Variants in TMCC3 observed in about 807,000 individuals in gnomAD.
TMCC3 encodes transmembrane and coiled-coil domain protein 3.
A neutral mutation model predicts 40.2 loss-of-function variants in TMCC3; 28 were observed. The ratio of observed to expected loss-of-function variants is 0.70; its 90% CI spans 0.52 to 0.95. TMCC3 has a LOEUF of 0.95. Ranked by LOEUF, TMCC3 falls within the 40% of genes least tolerant of loss-of-function variation. TMCC3 has a pLI of 0.00. For synonymous variants in TMCC3, 255 were observed against 248.5 expected (o/e 1.03, Z -0.25); for missense variants, 554 against 615.2 (o/e 0.90, Z 1.05).
intron 1 of TMCC3, among the ~76,000 whole-genome samples, chr12:94,635,744 A>G (rs1193550099): frequency 7.2e-6 from 1 of 138,208 alleles, no homozygotes; most frequent in African/African-American, 2.7e-5. Flanking sequence ...ATCTTGGCTC[A>G]CTGCAACCTC....
intron 1 of TMCC3, among the ~76,000 whole-genome samples, chr12:94,647,919 T>G (rs1456768092): frequency 6.6e-6 from 1 of 152,222 alleles, no homozygotes; most frequent in Admixed American, 6.5e-5. Flanking sequence ...TTTCACTAGT[T>G]CTACCTATTC....
At chr12:94,638,710 A>C (rs997899864) in intron 1 of TMCC3, among the ~76,000 whole-genome samples, 1 of 152,238 alleles carries the variant, frequency 6.6e-6, no homozygotes, top group Non-Finnish European at 1.5e-5. Context: ...AATTAGTGAG[A>C]TTAAAATAGT....
intron 1 of TMCC3, among the ~76,000 whole-genome samples, chr12:94,609,570 T>A (rs1047565051): frequency 6.6e-6 from 1 of 152,228 alleles, no homozygotes; most frequent in African/African-American, 2.4e-5. Context: ...CAGCAGGCAC[T>A]CAACTATCTT....
chr12:94,640,217 G>A (rs2068982103), intron 1 of TMCC3, among the ~76,000 whole-genome samples: 1 of 152,194 alleles, frequency 6.6e-6, no homozygotes, highest in Non-Finnish European at 1.5e-5. Flanking sequence ...ACCCAGGTTG[G>A]AGTGCACTGA....
chr12:94,630,511 T>C (rs1191702771), intron 1 of TMCC3, among the ~76,000 whole-genome samples: 1 of 152,138 alleles, frequency 6.6e-6, no homozygotes, highest in Non-Finnish European at 1.5e-5. Context: ...AACCCCTGTT[T>C]GAGCCTCAGT....
intron 3 of TMCC3, among the ~76,000 whole-genome samples, chr12:94,577,124 G>A (rs2138819498): frequency 6.6e-6 from 1 of 152,230 alleles, no homozygotes. Flanking sequence ...CTAGTATTGA[G>A]CACACAGTAT....
rs749913386 is a variant in TMCC3 at position 94,581,825 on chromosome 12, C to T, written c.792G>A (p.Ser264=). The T allele has an allele frequency of 5.1e-5, 83 of 1,614,030 alleles. 1 individual carries two copies. The Middle Eastern group carries it at 4.6e-3, about 90-fold the overall frequency. Residue 264 remains serine, a synonymous_variant, in exon 2 of 4, where the codon TCG becomes TCA. Transcript: ENST00000261226. The part of the protein sequence containing the change: ...DDECSSGTSG[S]ADSNGNQSFG... ...ACGACTGGTTTCCGTTACTGTCGGC[C>T]GAGCCTGACGTGCCACTCGAACATT...
chr12:94,626,549 A>G (rs1358853187), intron 1 of TMCC3, among the ~76,000 whole-genome samples: 1 of 152,220 alleles, frequency 6.6e-6, no homozygotes, highest in Non-Finnish European at 1.5e-5. Flanking sequence ...CAAATATTAT[A>G]CCAATATCAA....
intron 1 of TMCC3, among the ~76,000 whole-genome samples, chr12:94,620,137 T>C (rs1009495559): frequency 6.6e-5 from 10 of 151,662 alleles, no homozygotes; most frequent in African/African-American, 2.2e-4. Context: ...CACTCCAGCC[T>C]GGGCAACAAA....
chr12:94,599,111 C>A (rs528985386), intron 1 of TMCC3, among the ~76,000 whole-genome samples: 8 of 152,280 alleles, frequency 5.3e-5, no homozygotes, highest in Admixed American at 3.9e-4. Flanking sequence ...ATGTGAATTG[C>A]CTCGTCTTGG....
chr12:94,650,282 G>C, intron 1 of TMCC3, 71 bp downstream of exon 1: 1 of 1,034,852 alleles, frequency 9.7e-7, no homozygotes, highest in African/African-American at 1.7e-5. Flanking sequence ...GGTTAGCACT[G>C]AGCCGCCGCC....
chr12:94,588,974 C>A (rs1273237712), intron 1 of TMCC3, among the ~76,000 whole-genome samples: 1 of 152,114 alleles, frequency 6.6e-6, no homozygotes, highest in African/African-American at 2.4e-5. Context: ...AGGCACATGC[C>A]ACCACACCCA....
intron 1 of TMCC3, among the ~76,000 whole-genome samples, chr12:94,641,890 G>A (rs992116468): frequency 3.0e-4 from 46 of 151,658 alleles, no homozygotes; most frequent in Admixed American, 2.8e-3. Flanking sequence ...CTGAAAAAAT[G>A]AAGACACTAA....
At chr12:94,608,889 AT>A (rs1172312254) in intron 1 of TMCC3, among the ~76,000 whole-genome samples, 1 of 152,082 alleles carries the variant, frequency 6.6e-6, no homozygotes, top group East Asian at 1.9e-4. Context: ...GACACATTTT[AT>A]TTCTAGTTCT....
intron 1 of TMCC3, among the ~76,000 whole-genome samples, chr12:94,644,853 C>T (rs552837379): frequency 3.3e-5 from 5 of 152,308 alleles, no homozygotes; most frequent in African/African-American, 9.6e-5. Context: ...GCTACAGCAT[C>T]CTCTTCTTCA....
chr12:94,590,111 T>C (rs1391672687), intron 1 of TMCC3, among the ~76,000 whole-genome samples: 1 of 150,776 alleles, frequency 6.6e-6, no homozygotes, highest in Non-Finnish European at 1.5e-5. Flanking sequence ...TATTCTTTTT[T>C]TTTTTTTTTT....
At chr12:94,595,935 C>T (rs745925334) in intron 1 of TMCC3, among the ~76,000 whole-genome samples, 25 of 152,142 alleles carry the variant, frequency 1.6e-4, no homozygotes, top group Non-Finnish European at 2.9e-4. Context: ...AGAAAAACAG[C>T]CTTACTTTGA....
At chr12:94,615,774 G>A (rs2068844381) in intron 1 of TMCC3, 1 of 296,340 alleles carries the variant, frequency 3.4e-6, no homozygotes, top group African/African-American at 2.3e-5. Context: ...AATTAGGGAG[G>A]GATTTGGGCA....
rs2068506977 is a variant in TMCC3 at position 94,568,287 on chromosome 12, G to A, written c.*3148C>T. 6.6e-6 allele frequency: 1 copy of A among 150,866 alleles called. No individual in the cohort carries two copies. Among genetic ancestry groups the A allele is most frequent in the Admixed American group, 6.6e-5 (1 of 15,194 alleles). The allele number at this position is 150,866 out of a possible 1,614,324, so 9.3% of individuals were successfully genotyped here. A position where few individuals can be genotyped will look rare whatever the true frequency, so the allele number is the denominator to read the frequency against. On this transcript the variant is annotated 3_prime_UTR_variant, in exon 4 of 4. Coordinates refer to ENST00000261226, the MANE Select transcript of TMCC3 (RefSeq NM_020698.4). ...TTTTTTTTTTTTTTTGGCAGTTGGGGGTGGGGTGTTCTGGTTTAATCATAT... is the reference window on the plus strand; with the variant it reads ...TTTTTTTTTTTTTTTGGCAGTTGGGAGTGGGGTGTTCTGGTTTAATCATAT...
Sources: allele counts gnomAD v4.1 joint callset (sites outside exome capture counted in the v4.1 genomes callset), GRCh38; gene constraint gnomAD v4.1.1; transcripts MANE v1.5; gene names NCBI Gene and HGNC (gene_info 2026-07-23, HGNC 2026-07-21).